BCAS3: variants seen among roughly 807,000 people sequenced by gnomAD.
BCAS3 encodes the protein BCAS3 microtubule associated cell migration factor.
A neutral mutation model predicts 116.1 loss-of-function variants in BCAS3; 53 were observed. The ratio of observed to expected loss-of-function variants is 0.46; its 90% CI spans 0.37 to 0.57. The LOEUF (loss-of-function observed/expected upper bound fraction) is 0.57, where lower values mean the gene tolerates loss of function less well. BCAS3 is among the 20% of genes least tolerant of loss of function. The pLI, the probability that BCAS3 is intolerant of heterozygous loss-of-function variation, is 0.00. For missense variants in BCAS3, 917 were observed against 1,165.4 expected, an observed-to-expected ratio of 0.79 and a Z score of 3.10; for synonymous variants, 391 against 408.2, an observed-to-expected ratio of 0.96 and a Z score of 0.51.
chr17:61,369,761 A>T (rs1568957976), intron 23 of BCAS3, among the ~76,000 whole-genome samples: 1 of 152,220 alleles, frequency 6.6e-6, no homozygotes, highest in Non-Finnish European at 1.5e-5. Flanking sequence ...GCATGTCATC[A>T]TGCCACTGTT....
In BCAS3 at chr17:60,950,432, A is replaced by G. The variant is rs557413607; in HGVS notation, c.1221+3080A>G. On this transcript the variant is annotated intron_variant, in intron 14 of 23. Transcript: ENST00000407086. ...TTGAGACAGTTGGAGAAAATTGACCATGAATGAGGTGTTATTTGACATTTA... is the reference window on the plus strand; with the variant it reads ...TTGAGACAGTTGGAGAAAATTGACCGTGAATGAGGTGTTATTTGACATTTA... Among the ~76,000 whole-genome samples the G allele has an allele frequency of 2.1e-4, 32 of 152,338 alleles. No individual in the cohort carries two copies. The South Asian group carries it at 6.6e-3, about 32-fold the overall frequency.
At chr17:60,722,167 T>C (rs773724861) in intron 5 of BCAS3, among the ~76,000 whole-genome samples, 43 of 152,218 alleles carry the variant, frequency 2.8e-4, no homozygotes, top group Non-Finnish European at 5.4e-4. Context: ...AAAATTCTTA[T>C]ATATGGTAAT....
intron 22 of BCAS3, among the ~76,000 whole-genome samples, chr17:61,318,843 C>T (rs1018069298): frequency 2.0e-5 from 3 of 152,162 alleles, no homozygotes; most frequent in African/African-American, 4.8e-5. Context: ...CTTTCCTTCC[C>T]GTTGGTATGA....
intron 12 of BCAS3, among the ~76,000 whole-genome samples, chr17:60,918,833 C>A (rs1448636299): frequency 1.3e-5 from 2 of 151,816 alleles, no homozygotes; most frequent in Non-Finnish European, 2.9e-5. Context: ...GCTGGGACTA[C>A]AGGCACCCGC....
intron 22 of BCAS3, among the ~76,000 whole-genome samples, chr17:61,187,730 G>A (rs979763611): frequency 6.6e-6 from 1 of 152,148 alleles, no homozygotes; most frequent in East Asian, 1.9e-4. Context: ...TGTCTGAACA[G>A]GGCCACTGGC....
At chr17:60,943,186 A>C (rs1283899809) in intron 13 of BCAS3, among the ~76,000 whole-genome samples, 1 of 152,246 alleles carries the variant, frequency 6.6e-6, no homozygotes, top group East Asian at 1.9e-4. Flanking sequence ...ATGAAAAGAG[A>C]AATAAAAAAC....
chr17:61,311,673 T>A (rs1483295632), intron 22 of BCAS3, among the ~76,000 whole-genome samples: 1 of 152,088 alleles, frequency 6.6e-6, no homozygotes, highest in Admixed American at 6.5e-5. Context: ...GGCGGGCAGA[T>A]AACGAGGTCA....
chr17:60,717,968 A>G (rs966910665), intron 5 of BCAS3, among the ~76,000 whole-genome samples: 1 of 152,230 alleles, frequency 6.6e-6, no homozygotes, highest in African/African-American at 2.4e-5. Context: ...GTGACAGATC[A>G]TCAGACATTA....
intron 6 of BCAS3, among the ~76,000 whole-genome samples, chr17:60,766,646 G>A (rs1259610172): frequency 6.6e-6 from 1 of 152,224 alleles, no homozygotes; most frequent in African/African-American, 2.4e-5. Flanking sequence ...AGGCTACACA[G>A]GGGTCAGGGA....
chr17:61,136,082 G>T lies in BCAS3; in HGVS notation c.2425+51518G>T. The T allele has an allele frequency of 1.9e-5, 3 of 154,210 alleles. No individual in the cohort carries two copies. The South Asian group carries it at 5.6e-4, about 29-fold the overall frequency. 9.6% of individuals were successfully genotyped at this position (154,210 alleles called of 1,614,324 possible). On this transcript the variant is annotated intron_variant, in intron 22 of 23. Transcript: ENST00000407086. This position sits in a 1 kb window ranked among gnomAD's most constrained non-coding sequence, Gnocchi z 4.4. ...ACCCCTTCGCGCCTGCCTTCCCCGC[G>T]ACCGGCAGCCTGAGCTCTAACAATT...
chr17:60,914,744 T>C (rs1259200246), intron 12 of BCAS3, among the ~76,000 whole-genome samples: 2 of 152,320 alleles, frequency 1.3e-5, no homozygotes, highest in East Asian at 3.9e-4. Context: ...ACCTTTATAA[T>C]TGATTCACTT....
chr17:60,753,904 A>C (rs1276103777), intron 6 of BCAS3, among the ~76,000 whole-genome samples: 2 of 152,206 alleles, frequency 1.3e-5, no homozygotes, highest in African/African-American at 4.8e-5. Context: ...TGACTTGCAT[A>C]ATAATAATAT....
chr17:61,212,971 CT>C (rs1196685916), intron 22 of BCAS3, among the ~76,000 whole-genome samples: 1 of 151,954 alleles, frequency 6.6e-6, no homozygotes, highest in Non-Finnish European at 1.5e-5. Context: ...CAGTTAATAC[CT>C]TTTTCATTAT....
Position 60,910,337 on chromosome 17 carries a change from C to T in BCAS3, c.823-195C>T, listed in dbSNP as rs189223757. Reference sequence around the variant, plus strand: ...TTAGAGACTTTACTGATGCCATTCCCTCAAACTAATACTGATATTCTAATT... The same window carrying T: ...TTAGAGACTTTACTGATGCCATTCCTTCAAACTAATACTGATATTCTAATT... On this transcript the variant is annotated intron_variant, in intron 11 of 23. Transcript: ENST00000407086. Among the ~76,000 whole-genome samples the T allele has an allele frequency of 6.1e-4, 93 of 152,148 alleles. 4 individuals are homozygous for T. The East Asian group carries it at 0.017, about 28-fold the overall frequency.
At chr17:60,860,723 C>T (rs867049019) in intron 7 of BCAS3, among the ~76,000 whole-genome samples, 3 of 152,058 alleles carry the variant, frequency 2.0e-5, no homozygotes, top group Admixed American at 6.6e-5. Context: ...GCCAGTAGTC[C>T]CACCACCATT....
intron 22 of BCAS3, among the ~76,000 whole-genome samples, chr17:61,335,776 A>G (rs186498562): frequency 2.0e-4 from 31 of 152,380 alleles, no homozygotes; most frequent in African/African-American, 7.0e-4. Context: ...TGCCTTTCAT[A>G]GAAACTGGAA....
At chr17:61,070,047 A>G (rs1467318923) in intron 19 of BCAS3, 6 of 1,594,078 alleles carry the variant, frequency 3.8e-6, no homozygotes, top group Non-Finnish European at 5.1e-6. Context: ...GACAGCCCAA[A>G]TATCCTCGGA....
intron 13 of BCAS3, among the ~76,000 whole-genome samples, chr17:60,924,791 C>A (rs1178264545): frequency 2.6e-5 from 4 of 151,804 alleles, no homozygotes; most frequent in African/African-American, 9.7e-5. Flanking sequence ...CCAAGAACTT[C>A]AGTATTCCAA....
chr17:60,890,831 A>G (rs1379795745), intron 10 of BCAS3, among the ~76,000 whole-genome samples: 1 of 152,240 alleles, frequency 6.6e-6, no homozygotes, highest in African/African-American at 2.4e-5. Flanking sequence ...AATATGAATT[A>G]ATATGAAATA....
Sources: gnomAD v4.1 joint callset for allele counts (sites outside exome capture counted in the v4.1 genomes callset) on GRCh38, gnomAD v4.1.1 for gene constraint, Gnocchi (gnomAD v3.1) non-coding constraint, MANE v1.5 for transcripts, NCBI Gene and HGNC (gene_info 2026-07-23, HGNC 2026-07-21) for gene names.